Variants in HHAT observed in about 807,000 individuals in gnomAD.
The protein encoded by HHAT is protein-cysteine N-palmitoyltransferase HHAT.
Under a neutral mutation model 70.8 loss-of-function variants are expected in HHAT, and 47 were observed. The observed-to-expected ratio is 0.66, with a 90% CI of 0.53 to 0.85. The LOEUF (loss-of-function observed/expected upper bound fraction) is 0.85. Among genes scored for constraint, HHAT ranks in the 40% least tolerant of loss-of-function variants. HHAT has a pLI of 0.00. For missense variants in HHAT, 609 were observed against 604.8 expected (o/e 1.01, Z -0.07); for synonymous variants, 228 against 247.6 (o/e 0.92, Z 0.74).
intron 8 of HHAT, among the ~76,000 whole-genome samples, chr1:210,504,926 G>A (rs372341048): frequency 2.7e-4 from 32 of 119,226 alleles, no homozygotes; most frequent in African/African-American, 8.6e-4. Context: ...TTTTTGAGAC[G>A]GAGTCTCGCT....
Position 210,429,456 on chromosome 1 carries a change from T to C in HHAT, c.856+11131T>C, listed in dbSNP as rs553756703. Among the ~76,000 whole-genome samples the C allele has an allele frequency of 2.2e-4, 33 of 151,994 alleles. 1 individual carries two copies. Among genetic ancestry groups the C allele is most frequent in the African/African-American group, 3.6e-4 (15 of 41,270 alleles). On this transcript the variant is annotated intron_variant, in intron 7 of 11. Coordinates refer to ENST00000261458, the MANE Select transcript of HHAT (RefSeq NM_018194.6). Reference sequence around the variant, plus strand: ...TGACTTTTTGAGGAGTCCAGACTTATTGTCTTATAGAATGTCCCACACACT... The same window carrying C: ...TGACTTTTTGAGGAGTCCAGACTTACTGTCTTATAGAATGTCCCACACACT...
chr1:210,507,982 G>A (rs1572916431), intron 8 of HHAT, among the ~76,000 whole-genome samples: 1 of 151,792 alleles, frequency 6.6e-6, no homozygotes, highest in Admixed American at 6.6e-5. Context: ...AGTTGATCAC[G>A]AGGTCAGGAG....
At chr1:210,577,344 T>C (rs1658045312) in intron 9 of HHAT, among the ~76,000 whole-genome samples, 1 of 152,196 alleles carries the variant, frequency 6.6e-6, no homozygotes, top group Non-Finnish European at 1.5e-5. Context: ...TGTATTGAAA[T>C]AAATTCATTC....
At chr1:210,375,218 A>G (rs1253455209) in intron 3 of HHAT, among the ~76,000 whole-genome samples, 1 of 152,172 alleles carries the variant, frequency 6.6e-6, no homozygotes, top group Non-Finnish European at 1.5e-5. Flanking sequence ...TTTGATGGCC[A>G]TACTCACCCT....
chr1:210,402,919 T>C (rs542846819), intron 5 of HHAT, among the ~76,000 whole-genome samples: 1 of 152,340 alleles, frequency 6.6e-6, no homozygotes, highest in African/African-American at 2.4e-5. Context: ...CCTAGTCTAT[T>C]CTATTCCCCA....
intron 9 of HHAT, among the ~76,000 whole-genome samples, chr1:210,532,671 C>T (rs2095327326): frequency 6.6e-6 from 1 of 152,154 alleles, no homozygotes; most frequent in African/African-American, 2.4e-5. Flanking sequence ...TCCGTCGGCA[C>T]CATGTGCAGA....
chr1:210,459,634 G>C (rs570816172), intron 7 of HHAT, among the ~76,000 whole-genome samples: 2 of 152,248 alleles, frequency 1.3e-5, no homozygotes, highest in Non-Finnish European at 2.9e-5. Flanking sequence ...TCAAGTTTTT[G>C]CTCAAATGTT....
rs148696006 is a variant in HHAT at position 210,588,002 on chromosome 1, A to G, written c.1148A>G (p.Asp383Gly). ...GTGAGCTACTGGCATGGCGGCTACG[A>G]CTACCTCTGGTGCTGGGCAGCGCTC... ...AFVSYWHGGYDYLWCWAALNW... is the reference protein window; with the variant it reads ...AFVSYWHGGYGYLWCWAALNW... Residue 383 changes from aspartate to glycine, a missense_variant, in exon 10 of 12, where the codon GAC becomes GGC. Coordinates refer to ENST00000261458, the MANE Select transcript of HHAT (RefSeq NM_018194.6). The G allele has an allele frequency of 1.8e-5, 29 of 1,613,968 alleles. No homozygotes were observed. In the African/African-American group the frequency reaches 3.6e-4, roughly 20 times the overall value.
At chr1:210,445,883 T>A (rs2093624783) in intron 7 of HHAT, among the ~76,000 whole-genome samples, 3 of 152,202 alleles carry the variant, frequency 2.0e-5, no homozygotes, top group Admixed American at 2.0e-4. Flanking sequence ...GGCTCTTTTT[T>A]TTTTTTAATT....
At chr1:210,343,974 AACAACC>A (rs2086269834) in intron 1 of HHAT, among the ~76,000 whole-genome samples, 1 of 152,168 alleles carries the variant, frequency 6.6e-6, no homozygotes, top group Non-Finnish European at 1.5e-5. Flanking sequence ...TAACCCCTTC[AACAACC>A]CTATAAGAAA....
At chr1:210,435,999 C>G (rs2093366275) in intron 7 of HHAT, among the ~76,000 whole-genome samples, 2 of 151,716 alleles carry the variant, frequency 1.3e-5, no homozygotes, top group Admixed American at 1.3e-4. Context: ...CCTTTTGTTG[C>G]CTGTGGTTTT....
chr1:210,645,202 C>T (rs1673777266), intron 11 of HHAT, among the ~76,000 whole-genome samples: 1 of 152,278 alleles, frequency 6.6e-6, no homozygotes, highest in Non-Finnish European at 1.5e-5. Flanking sequence ...TAGCTGCCTC[C>T]CTACCAGATA....
intron 9 of HHAT, among the ~76,000 whole-genome samples, chr1:210,524,472 C>T (rs547620175): frequency 2.6e-5 from 4 of 152,200 alleles, no homozygotes; most frequent in South Asian, 2.1e-4. Context: ...TGCAAGCCCC[C>T]GCCCCTGAGT....
chr1:210,522,415 A>G (rs2148609731), intron 9 of HHAT, among the ~76,000 whole-genome samples: 1 of 152,372 alleles, frequency 6.6e-6, no homozygotes, highest in Non-Finnish European at 1.5e-5. Flanking sequence ...AGTGAAGAAC[A>G]TGTAAGTGAA....
intron 8 of HHAT, among the ~76,000 whole-genome samples, chr1:210,480,024 A>T (rs1357611018): frequency 1.3e-5 from 2 of 152,152 alleles, no homozygotes; most frequent in Admixed American, 1.3e-4. Context: ...GGTGAAGGTG[A>T]GAATTTAATC....
intron 11 of HHAT, among the ~76,000 whole-genome samples, chr1:210,635,154 A>C (rs140165650): frequency 9.7e-4 from 141 of 145,630 alleles, no homozygotes; most frequent in African/African-American, 3.5e-3. Context: ...AGGTGACATC[A>C]GAGGTGGGCT....
At chr1:210,391,818 A>G (rs1405178640) in intron 4 of HHAT, among the ~76,000 whole-genome samples, 2 of 152,172 alleles carry the variant, frequency 1.3e-5, no homozygotes, top group Admixed American at 6.5e-5. Context: ...GTAACACATT[A>G]TATAGTAAAG....
At chr1:210,568,030 A>G (rs1376924041) in intron 9 of HHAT, among the ~76,000 whole-genome samples, 1 of 152,226 alleles carries the variant, frequency 6.6e-6, no homozygotes, top group Non-Finnish European at 1.5e-5. Flanking sequence ...CTTCAGGATG[A>G]GGCTCATCAC....
intron 7 of HHAT, among the ~76,000 whole-genome samples, chr1:210,428,712 C>T (rs1447727006): frequency 6.6e-6 from 1 of 151,778 alleles, no homozygotes; most frequent in Non-Finnish European, 1.5e-5. Flanking sequence ...TGTGGTGGCT[C>T]ATGCCTATAA....
Sources: allele counts gnomAD v4.1 joint callset (sites outside exome capture counted in the v4.1 genomes callset), GRCh38; gene constraint gnomAD v4.1.1; transcripts MANE v1.5; gene names NCBI Gene and HGNC (gene_info 2026-07-23, HGNC 2026-07-21).